Variants in THSD7A observed in about 807,000 individuals in gnomAD.
THSD7A encodes thrombospondin type 1 domain containing 7A.
THSD7A carries 96 observed loss-of-function variants against 231.3 expected under a neutral mutation model. The ratio of observed to expected loss-of-function variants is 0.41; its 90% CI spans 0.35 to 0.49. THSD7A has a LOEUF of 0.49. Among genes scored for constraint, THSD7A ranks in the 20% least tolerant of loss-of-function variants. The probability of loss-of-function intolerance (pLI) is 0.05; values close to 1 mark genes in which losing one functional copy is unlikely to be tolerated. For synonymous variants in THSD7A, 940 were observed against 743.3 expected (o/e 1.26, Z -4.30); for missense variants, 2,290 against 2,070.2 (o/e 1.11, Z -2.06).
chr7:11,797,973 C>A (rs1412056975), intron 1 of THSD7A, among the ~76,000 whole-genome samples: 3 of 151,944 alleles, frequency 2.0e-5, no homozygotes, highest in African/African-American at 7.3e-5. Context: ...ATTTCTCAGC[C>A]ATCTCGAATT....
Position 11,424,937 on chromosome 7 carries a change from C to G in THSD7A, c.3250-108G>C, listed in dbSNP as rs903780835. 11 of 1,307,192 alleles carry G rather than the reference C, an allele frequency of 8.4e-6. No homozygotes were observed. In the African/African-American group the frequency reaches 1.5e-4, roughly 18 times the overall value. 81.0% of individuals were successfully genotyped at this position (1,307,192 alleles called of 1,614,324 possible). A position where few individuals can be genotyped will look rare whatever the true frequency, so the allele number is the denominator to read the frequency against. The stretch of plus-strand genomic sequence containing the variant: ...TTCACTGTGAAGCTACTTTCACTCC[C>G]CTCCTTTACTGCTTATTATTCTAAC... On this transcript the variant is annotated intron_variant, in intron 15 of 27. Coordinates refer to ENST00000423059, the MANE Select transcript of THSD7A (RefSeq NM_015204.3).
In THSD7A at chr7:11,406,211, C is replaced by G; in HGVS notation, c.4237+89G>C. On this transcript the variant is annotated intron_variant, in intron 22 of 27. Coordinates refer to ENST00000423059, the MANE Select transcript of THSD7A (RefSeq NM_015204.3). The surrounding 1 kb of genome is among the most constrained non-coding windows in gnomAD (Gnocchi z 4.7). ...ACTGAATAAGAAGACTGTTGACATC[C>G]TGTAACTTATACTTTATATGCAACC... 1.5e-6 allele frequency: 2 copies of G among 1,311,546 alleles called. No individual in the cohort carries two copies. The highest frequency in any genetic ancestry group is 1.5e-5 in the South Asian group (1 of 68,926). The allele number at this position is 1,311,546 out of a possible 1,614,324, so 81.2% of individuals were successfully genotyped here. A position where few individuals can be genotyped will look rare whatever the true frequency, so the allele number is the denominator to read the frequency against.
At chr7:11,535,636 A>C (rs1188402753) in intron 6 of THSD7A, among the ~76,000 whole-genome samples, 1 of 151,980 alleles carries the variant, frequency 6.6e-6, no homozygotes, top group Non-Finnish European at 1.5e-5. Flanking sequence ...TACAGGAAGG[A>C]AACTTTGTTG....
At chr7:11,395,476 T>C (rs1309196058) in intron 23 of THSD7A, among the ~76,000 whole-genome samples, 1 of 151,842 alleles carries the variant, frequency 6.6e-6, no homozygotes, top group Non-Finnish European at 1.5e-5. Context: ...GGAGACCTAA[T>C]AGACTTCTAC....
intron 2 of THSD7A, among the ~76,000 whole-genome samples, chr7:11,628,714 T>C (rs1781553922): frequency 6.6e-6 from 1 of 152,200 alleles, no homozygotes; most frequent in African/African-American, 2.4e-5. Context: ...TGCCTTTAGT[T>C]TTGTTGAATG....
chr7:11,412,819 A>T lies in THSD7A; in HGVS notation c.3538-19T>A. 1 of 1,601,954 alleles carries T rather than the reference A, an allele frequency of 6.2e-7. No individual in the cohort carries two copies. Among genetic ancestry groups the T allele is most frequent in the South Asian group, 1.1e-5 (1 of 89,186 alleles). ...TGCAAGGCTTAAAAAGAACAGTACA[A>T]ATTCTCAGAAAGGTGAATACTCAGC... On this transcript the variant is annotated intron_variant, in intron 17 of 27. Coordinates refer to ENST00000423059, the MANE Select transcript of THSD7A (RefSeq NM_015204.3).
chr7:11,454,467 G>A (rs915530037), intron 11 of THSD7A, among the ~76,000 whole-genome samples: 2 of 151,478 alleles, frequency 1.3e-5, no homozygotes, highest in Non-Finnish European at 2.9e-5. Context: ...TCAATGAGCT[G>A]TTCCTAAACA....
intron 8 of THSD7A, among the ~76,000 whole-genome samples, chr7:11,472,337 T>C (rs902051813): frequency 2.1e-4 from 32 of 152,134 alleles, no homozygotes; most frequent in African/African-American, 7.7e-4. Context: ...ATCAATAACA[T>C]TGATTTTACC....
At chr7:11,383,021 G>T (rs1782584567) in intron 23 of THSD7A, among the ~76,000 whole-genome samples, 1 of 151,256 alleles carries the variant, frequency 6.6e-6, no homozygotes, top group African/African-American at 2.4e-5. Context: ...AATAAAACAT[G>T]AGATATATAA....
chr7:11,831,817 C>G lies in THSD7A; in HGVS notation c.130G>C (p.Ala44Pro). 1 of 1,447,296 alleles carries G rather than the reference C, an allele frequency of 6.9e-7. No individual in the cohort carries two copies. Among genetic ancestry groups the G allele is most frequent in the Non-Finnish European group, 9.1e-7 (1 of 1,096,298 alleles). 89.7% of individuals were successfully genotyped at this position (1,447,296 alleles called of 1,614,324 possible). A position where few individuals can be genotyped will look rare whatever the true frequency, so the allele number is the denominator to read the frequency against. ...LLLLLLLRPG[A>P]GRAAAQGEAE... ...TCGCCCTGCGCCGCAGCCCTGCCGG[C>G]GCCCGGGCGTAGCAGCAGCAGCAGG... The change falls in exon 1 of 28, where the codon GCC (alanine) becomes CCC (proline). Residue 44 changes from alanine to proline, a missense_variant. Physicochemically the swap from Ala to Pro is conservative, Grantham distance 27. Coordinates refer to ENST00000423059, the MANE Select transcript of THSD7A (RefSeq NM_015204.3). This position sits in a 1 kb window ranked among gnomAD's most constrained non-coding sequence, Gnocchi z 5.0.
At chr7:11,820,526 C>T in intron 1 of THSD7A, 1 of 757,484 alleles carries the variant, frequency 1.3e-6, no homozygotes, top group Non-Finnish European at 2.2e-6. Flanking sequence ...GGTCCCACTC[C>T]TCTTACCGGT....
Position 11,474,031 on chromosome 7 carries a change from G to A in THSD7A, c.2252+303C>T, listed in dbSNP as rs1390879078. Among the ~76,000 whole-genome samples, 1 of 152,114 alleles carries A rather than the reference G, an allele frequency of 6.6e-6. No homozygotes were observed. The highest frequency in any genetic ancestry group is 1.9e-4 in the East Asian group (1 of 5,184). ...CCTAGTACACTGTCATTATTGATCA[G>A]CCAGGCTTACGGCAAGCACTTCTTT... On this transcript the variant is annotated intron_variant, in intron 8 of 27. Coordinates refer to ENST00000423059, the MANE Select transcript of THSD7A (RefSeq NM_015204.3). This position sits in a 1 kb window ranked among gnomAD's most constrained non-coding sequence, Gnocchi z 4.1.
At chr7:11,736,519 T>C (rs569525272) in intron 1 of THSD7A, among the ~76,000 whole-genome samples, 1 of 142,750 alleles carries the variant, frequency 7.0e-6, no homozygotes, top group Non-Finnish European at 1.5e-5. Context: ...GGTAAACATG[T>C]TAAATATAGA....
At chr7:11,605,192 G>GTA (rs1188787666) in intron 2 of THSD7A, among the ~76,000 whole-genome samples, 3 of 151,936 alleles carry the variant, frequency 2.0e-5, no homozygotes, top group African/African-American at 4.8e-5. Context: ...ATGTATATAT[G>GTA]TATATATGTA....
intron 1 of THSD7A, among the ~76,000 whole-genome samples, chr7:11,676,816 G>A (rs1783657012): frequency 6.6e-6 from 1 of 152,142 alleles, no homozygotes; most frequent in South Asian, 2.1e-4. Context: ...AAGTGACGGG[G>A]AGAATGGAAC....
At chr7:11,727,580 C>G (rs1170209048) in intron 1 of THSD7A, among the ~76,000 whole-genome samples, 1 of 151,758 alleles carries the variant, frequency 6.6e-6, no homozygotes, top group Non-Finnish European at 1.5e-5. Flanking sequence ...AAACTCTTAC[C>G]AACTTTGGAC....
rs370741568 is a variant in THSD7A at position 11,636,913 on chromosome 7, T to C, written c.239A>G (p.Gln80Arg). ...ATGAGCACACCACACAGCCCTCGTT[T>C]GGATGCCTCCGGGACCACATTCATC... is the stretch of plus-strand genomic sequence containing the variant. Reference protein sequence around the residue: ...MGDECGPGGIQTRAVWCAHVE... With the variant: ...MGDECGPGGIRTRAVWCAHVE... The change falls in exon 2 of 28, where the codon CAA becomes CGA. Residue 80 changes from glutamine to arginine, a missense_variant. Gln to Arg is a conservative substitution (Grantham distance 43). Coordinates refer to ENST00000423059, the MANE Select transcript of THSD7A (RefSeq NM_015204.3). The surrounding 1 kb of genome is among the most constrained non-coding windows in gnomAD (Gnocchi z 10.0). 12 of 1,613,286 alleles carry C rather than the reference T, an allele frequency of 7.4e-6. No homozygotes were observed. The highest frequency in any genetic ancestry group is 1.3e-5 in the African/African-American group (1 of 74,920).
At chr7:11,780,518 C>G (rs775030475) in intron 1 of THSD7A, among the ~76,000 whole-genome samples, 10 of 152,134 alleles carry the variant, frequency 6.6e-5, no homozygotes, top group South Asian at 2.1e-4. Context: ...GGTCTTCAGC[C>G]GACAGCCAGC....
chr7:11,585,105 T>G (rs1791341933), intron 4 of THSD7A, among the ~76,000 whole-genome samples: 1 of 152,210 alleles, frequency 6.6e-6, no homozygotes, highest in Non-Finnish European at 1.5e-5. Flanking sequence ...GATATGTTTC[T>G]TTGCCTTTTT....
Sources: allele counts gnomAD v4.1 joint callset (sites outside exome capture counted in the v4.1 genomes callset), GRCh38; gene constraint gnomAD v4.1.1; non-coding constraint Gnocchi (gnomAD v3.1); transcripts MANE v1.5; gene names NCBI Gene and HGNC (gene_info 2026-07-23, HGNC 2026-07-21).